Variants in LRP12 observed in about 807,000 individuals in gnomAD.
LRP12 encodes the protein low-density lipoprotein receptor-related protein 12.
A neutral mutation model predicts 66.0 loss-of-function variants in LRP12; 14 were observed. The ratio of observed to expected loss-of-function variants is 0.21; its 90% CI spans 0.14 to 0.33. LRP12 has a LOEUF of 0.33. LRP12 is among the 10% of genes least tolerant of loss of function. The pLI is 1.00. For missense variants in LRP12, 889 were observed against 1,053.4 expected (o/e 0.84, Z 2.16); for synonymous variants, 357 against 359.1 (o/e 0.99, Z 0.07).
rs150947656 is a variant in LRP12, at chr8:104,556,852, C to A, written c.80-24889G>T. Among the ~76,000 whole-genome samples the A allele has an allele frequency of 3.3e-5, 5 of 152,236 alleles. No homozygotes were observed. The East Asian group carries it at 9.7e-4, about 29-fold the overall frequency. ...CCAATATCCCTGATGACCACAGATACAAAAACCCCCAACAAAATACCAGCT... is the reference window on the plus strand; with the variant it reads ...CCAATATCCCTGATGACCACAGATAAAAAAACCCCCAACAAAATACCAGCT... On this transcript the variant is annotated intron_variant, in intron 1 of 6. Coordinates refer to ENST00000276654, the MANE Select transcript of LRP12 (RefSeq NM_013437.5).
At chr8:104,551,850 C>A (rs1811729597) in intron 1 of LRP12, among the ~76,000 whole-genome samples, 1 of 152,156 alleles carries the variant, frequency 6.6e-6, no homozygotes, top group African/African-American at 2.4e-5. Context: ...CCCTGCCTTG[C>A]TATTCCCCAG....
At chr8:104,523,950 A>C (rs954141785) in intron 2 of LRP12, among the ~76,000 whole-genome samples, 2 of 152,108 alleles carry the variant, frequency 1.3e-5, no homozygotes, top group African/African-American at 2.4e-5. Flanking sequence ...TAACTTTAAG[A>C]ATACAGCATT....
chr8:104,490,914 GA>G lies in LRP12; in HGVS notation c.2338del (p.Ser780LeufsTer9). ...DDDVEMLIPI[S>X]DGSSDFDVND... is the part of the protein sequence containing the mutation. ...CACATCAAAGTCTGAAGATCCATCA[GA>G]AATTGGAATTAGCATTTCAACATCA... On this transcript the variant is annotated frameshift_variant, in exon 7 of 7. Coordinates refer to ENST00000276654, the MANE Select transcript of LRP12 (RefSeq NM_013437.5). LOFTEE classifies it high-confidence loss of function. The G allele has an allele frequency of 6.2e-7, 1 of 1,614,122 alleles. No individual in the cohort carries two copies. Among genetic ancestry groups the G allele is most frequent in the Non-Finnish European group, 8.5e-7 (1 of 1,180,024 alleles).
chr8:104,528,503 G>A (rs1448004090), intron 2 of LRP12, among the ~76,000 whole-genome samples: 4 of 152,172 alleles, frequency 2.6e-5, no homozygotes, highest in African/African-American at 9.7e-5. Flanking sequence ...GGCCGGGCAC[G>A]GTGGCTCATG....
chr8:104,570,857 A>AT, intron 1 of LRP12, among the ~76,000 whole-genome samples: 1 of 152,286 alleles, frequency 6.6e-6, no homozygotes, highest in South Asian at 2.1e-4. Context: ...AGGGGGGAAA[A>AT]ATATATAAGA....
intron 1 of LRP12, among the ~76,000 whole-genome samples, chr8:104,576,842 G>A (rs1812172356): frequency 6.6e-6 from 1 of 152,016 alleles, no homozygotes; most frequent in African/African-American, 2.4e-5. Context: ...AAGATGCATA[G>A]GTATGGTATC....
chr8:104,542,893 G>A (rs1351741954), intron 1 of LRP12, among the ~76,000 whole-genome samples: 1 of 151,886 alleles, frequency 6.6e-6, no homozygotes, highest in Non-Finnish European at 1.5e-5. Flanking sequence ...GGAAGTGGTA[G>A]AGAAGGAGTT....
intron 1 of LRP12, among the ~76,000 whole-genome samples, chr8:104,582,823 A>G (rs937325998): frequency 9.9e-5 from 15 of 152,126 alleles, no homozygotes; most frequent in Admixed American, 3.9e-4. Context: ...CATTCTACTG[A>G]ATTGAGGGAA....
chr8:104,564,303 TG>T (rs1184845210), intron 1 of LRP12, among the ~76,000 whole-genome samples: 1 of 152,202 alleles, frequency 6.6e-6, no homozygotes, highest in Non-Finnish European at 1.5e-5. Context: ...GATTCCAATT[TG>T]GTATCTGGCA....
chr8:104,555,676 A>G (rs994284908), intron 1 of LRP12, among the ~76,000 whole-genome samples: 3 of 152,152 alleles, frequency 2.0e-5, no homozygotes, highest in African/African-American at 7.2e-5. Context: ...TTACTAATAG[A>G]CCTAAGAAAT....
Position 104,497,527 on chromosome 8 carries a change from G to C in LRP12, c.1025C>G (p.Thr342Arg), listed in dbSNP as rs1810752372. 5 of 1,614,022 alleles carry C rather than the reference G, an allele frequency of 3.1e-6. No homozygotes were observed. Among genetic ancestry groups the C allele is most frequent in the East Asian group, 2.2e-5 (1 of 44,880 alleles). The stretch of plus-strand genomic sequence containing the variant: ...TATCTGTCCAGAAGAAGAAACAACT[G>C]TAAGAGGTGCATGAGAATCAAAAGC... The part of the protein sequence containing the change: ...LTAFDSHAPL[T>R]VVSSSGQIRV... The change falls in exon 5 of 7, where the codon ACA becomes AGA. Residue 342 changes from threonine (T) to arginine (R), a missense_variant. By Grantham distance (71) the Thr-to-Arg change is moderately conservative. Around this residue, in one of 3 missense-constraint regions of LRP12, gnomAD observed 800 missense variants for 964.5 expected, o/e 0.83. Coordinates refer to ENST00000276654, the MANE Select transcript of LRP12 (RefSeq NM_013437.5). The surrounding 1 kb of genome is among the most constrained non-coding windows in gnomAD (Gnocchi z 4.3).
chr8:104,524,441 G>A (rs12550349), intron 2 of LRP12, among the ~76,000 whole-genome samples: 36,501 of 151,770 alleles, frequency 0.24, 4,463 homozygotes, highest in Middle Eastern at 0.31. Flanking sequence ...TGTTGTTCAA[G>A]GGTCAACTGT....
chr8:104,516,124 A>G (rs1185692708), intron 2 of LRP12, among the ~76,000 whole-genome samples: 1 of 152,214 alleles, frequency 6.6e-6, no homozygotes, highest in Non-Finnish European at 1.5e-5. Context: ...ATAAACAAAT[A>G]TTCAAGTACT....
intron 2 of LRP12, among the ~76,000 whole-genome samples, chr8:104,520,099 G>C (rs970858153): frequency 1.3e-5 from 2 of 151,802 alleles, no homozygotes; most frequent in Middle Eastern, 3.2e-3. Context: ...ATGAAGATGA[G>C]GAGAGCAAAG....
At chr8:104,499,896 T>C (rs954315354) in intron 3 of LRP12, among the ~76,000 whole-genome samples, 8 of 152,174 alleles carry the variant, frequency 5.3e-5, no homozygotes, top group Non-Finnish European at 1.2e-4. Context: ...ATCTGATGAA[T>C]TGAAGTAAAC....
At chr8:104,501,703 C>CAA (rs35580913) in intron 3 of LRP12, among the ~76,000 whole-genome samples, 114 of 118,748 alleles carry the variant, frequency 9.6e-4, no homozygotes, top group African/African-American at 2.7e-3. Context: ...GACTCCACCT[C>CAA]AAAAAAAAAA....
chr8:104,581,751 AAAT>A (rs1434800006), intron 1 of LRP12, among the ~76,000 whole-genome samples: 1 of 152,174 alleles, frequency 6.6e-6, no homozygotes, highest in African/African-American at 2.4e-5. Flanking sequence ...GACAAAAAAA[AAAT>A]AATGGGCCTC....
rs188017245 is a variant in LRP12, at chr8:104,565,716, C to T, written c.79+23103G>A. Among the ~76,000 whole-genome samples the T allele has an allele frequency of 5.0e-3, 757 of 151,892 alleles. 6 individuals carry two copies. The highest frequency in any genetic ancestry group is 0.011 in the Admixed American group (175 of 15,258). ...TTTACTAAAAATACAAAAAAATTAG[C>T]CAGGTGTGGTGGTGGGCGCCTGTAG... On this transcript the variant is annotated intron_variant, in intron 1 of 6. Coordinates refer to ENST00000276654, the MANE Select transcript of LRP12 (RefSeq NM_013437.5).
At position 104,489,626 on chromosome 8, in the gene LRP12, T is replaced by G. The variant is rs1810585924; in HGVS notation, c.*1047A>C. 6.6e-6 allele frequency: 1 copy of G among 152,256 alleles called. No individual in the cohort carries two copies. Among genetic ancestry groups the G allele is most frequent in the Admixed American group, 6.5e-5 (1 of 15,296 alleles). 9.4% of individuals were successfully genotyped at this position (152,256 alleles called of 1,614,324 possible). On this transcript the variant is annotated 3_prime_UTR_variant, in exon 7 of 7. Transcript: ENST00000276654. ...AAAAAATCACTCTTACAACAATGTA[T>G]TTTTTAAATACAACAAATAAATATG...
Sources: gnomAD v4.1 joint callset for allele counts (sites outside exome capture counted in the v4.1 genomes callset) on GRCh38, gnomAD v4.1.1 for gene constraint, gnomAD v4.1.1 regional missense constraint, Gnocchi (gnomAD v3.1) non-coding constraint, MANE v1.5 for transcripts, NCBI Gene and HGNC (gene_info 2026-07-23, HGNC 2026-07-21) for gene names.